RABL2B: variants seen among roughly 807,000 people sequenced by gnomAD.
The protein encoded by RABL2B is RAB, member of RAS oncogene family like 2B.
In RABL2B, 17 loss-of-function variants were observed where a neutral mutation model predicts 26.7. The observed-to-expected ratio is 0.64, with a 90% CI of 0.44 to 0.95. The LOEUF (loss-of-function observed/expected upper bound fraction) is 0.95. Ranked by LOEUF, RABL2B falls within the 40% of genes least tolerant of loss-of-function variation. The pLI is 0.00. For synonymous variants in RABL2B, 70 were observed against 103.9 expected (o/e 0.67, Z 1.99); for missense variants, 170 against 277.2 (o/e 0.61, Z 2.75).
intron 2 of RABL2B, among the ~76,000 whole-genome samples, 155 bp from the exon 3 acceptor site, chr22:50,778,136 T>C (rs9616970): frequency 0.17 from 26,147 of 151,650 alleles, 2,676 homozygotes; most frequent in African/African-American, 0.3. Flanking sequence ...AGTCTGGAAG[T>C]TGGGTATCAG....
At chr22:50,780,668 C>G in intron 2 of RABL2B, 1 of 470,702 alleles carries the variant, frequency 2.1e-6, no homozygotes, top group Non-Finnish European at 4.4e-6. Context: ...CAACCTTTTG[C>G]CTGAGATACT....
At chr22:50,778,089 C>T in intron 2 of RABL2B, 108 bp from the exon 3 acceptor site, 3 of 1,432,210 alleles carry the variant, frequency 2.1e-6, no homozygotes, top group Non-Finnish European at 2.9e-6. Context: ...GGCTTCCCTT[C>T]CCCCTTTCAC....
rs1290229490 is a variant in RABL2B at position 50,769,728 on chromosome 22, G to A, written c.410-176C>T. On this transcript the variant is annotated intron_variant, in intron 6 of 8. Coordinates refer to ENST00000691320, the MANE Select transcript of RABL2B (RefSeq NM_001130919.3). ...CTGTGTCTTGGAAAGAGGGCAGGTC[G>A]GCTTAGCTGGCTTCTTTATAAGGTG... 46 of 910,426 alleles carry A rather than the reference G, an allele frequency of 5.1e-5. No homozygotes were observed. The Admixed American group carries it at 6.9e-4, about 14-fold the overall frequency. The allele number at this position is 910,426 out of a possible 1,614,324, so 56.4% of individuals were successfully genotyped here. A position where few individuals can be genotyped will look rare whatever the true frequency, so the allele number is the denominator to read the frequency against.
chr22:50,777,982 C>G lies in RABL2B; in HGVS notation c.108-1G>C. The G allele has an allele frequency of 6.2e-7, 1 of 1,614,138 alleles. No homozygotes were observed. Among genetic ancestry groups the G allele is most frequent in the Non-Finnish European group, 8.5e-7 (1 of 1,180,034 alleles). The stretch of plus-strand genomic sequence containing the variant: ...ATCCATGAGAAATCTCTCCATGAGT[C>G]TGTAAGCAGAACAGGCAAGGTGGTC... On this transcript the variant is annotated splice_acceptor_variant, in intron 2 of 8. Transcript: ENST00000691320. LOFTEE classifies it high-confidence loss of function.
intron 5 of RABL2B, among the ~76,000 whole-genome samples, chr22:50,774,307 C>T (rs1275433892): frequency 6.6e-6 from 1 of 151,742 alleles, no homozygotes; most frequent in Non-Finnish European, 1.5e-5. Context: ...TGTTTCTTCC[C>T]TCTGTGACTA....
At chr22:50,778,942 C>T (rs1239928744) in intron 2 of RABL2B, among the ~76,000 whole-genome samples, 1 of 150,012 alleles carries the variant, frequency 6.7e-6, no homozygotes, top group Non-Finnish European at 1.5e-5. Context: ...TATAAAGAAA[C>T]AGCACCCTTA....
rs1297015544 is a variant in RABL2B at position 50,768,518 on chromosome 22, G to C, written c.*258C>G. 6.5e-6 allele frequency: 5 copies of C among 767,682 alleles called. No homozygotes were observed. The highest frequency in any genetic ancestry group is 3.9e-5 in the South Asian group (2 of 50,874). The allele number at this position is 767,682 out of a possible 1,614,324, so 47.6% of individuals were successfully genotyped here. On this transcript the variant is annotated 3_prime_UTR_variant, in exon 9 of 9. Coordinates refer to ENST00000691320, the MANE Select transcript of RABL2B (RefSeq NM_001130919.3). ...TTCACTGTCTGCCTGCGGGGAGGGG[G>C]TGGGGAAGGTGTTAATGATGCTGAT...
intron 4 of RABL2B, among the ~76,000 whole-genome samples, chr22:50,776,420 C>G (rs2084994383): frequency 6.6e-6 from 1 of 152,242 alleles, no homozygotes; most frequent in Non-Finnish European, 1.5e-5. Context: ...CTGACTTCTC[C>G]TTTCCTGAAC....
chr22:50,768,826 T>G lies in RABL2B; in HGVS notation c.640A>C (p.Ser214Arg). 1 of 1,613,666 alleles carries G rather than the reference T, an allele frequency of 6.2e-7. No homozygotes were observed. The change falls in exon 9 of 9, where the codon AGC (serine) becomes CGC (arginine). Residue 214 changes from serine to arginine, a missense_variant. By Grantham distance (110) the Ser-to-Arg change is moderately radical (BLOSUM62 -1). Transcript: ENST00000691320. The stretch of plus-strand genomic sequence containing the variant: ...TCTGATGGGGTCTCGATGCTGCTGC[T>G]CTGTTCCTGGTCTGGCACGTCCTCC... ...EEEDVPDQEQ[S>R]SSIETPSEEA...
chr22:50,781,400 A>AAGAGAGAGAGAG (rs3044691), intron 2 of RABL2B, among the ~76,000 whole-genome samples: 15,524 of 141,430 alleles, frequency 0.11, 926 homozygotes, highest in East Asian at 0.18. Flanking sequence ...TGTGGTGGGG[A>AAGAGAGAGAGAG]AGAGAGAGAG....
chr22:50,772,369 A>T, intron 5 of RABL2B: 2 of 985,524 alleles, frequency 2.0e-6, no homozygotes, highest in Non-Finnish European at 2.4e-6. Flanking sequence ...AAGGATGAGC[A>T]CTGCAAACCA....
In RABL2B at chr22:50,776,080, G is replaced by A. The variant is rs1451131250; in HGVS notation, c.218-229C>T. ...GTGTGTATGGGAAGACAGTGGGTCA[G>A]GGGCCAGGAGGAAGGACAACACACT... On this transcript the variant is annotated intron_variant, in intron 4 of 8. Coordinates refer to ENST00000691320, the MANE Select transcript of RABL2B (RefSeq NM_001130919.3). Among the ~76,000 whole-genome samples the A allele has an allele frequency of 5.9e-5, 9 of 152,266 alleles. No individual in the cohort carries two copies. The South Asian group carries it at 1.5e-3, about 25-fold the overall frequency.
In RABL2B at chr22:50,776,136, C is replaced by T. The variant is rs1446349294; in HGVS notation, c.218-285G>A. 8.3e-4 allele frequency among the ~76,000 whole-genome samples: 126 copies of T among 152,232 alleles called. 1 individual carries two copies. Among genetic ancestry groups the T allele is most frequent in the African/African-American group, 2.8e-3 (116 of 41,532 alleles). ...CCCAAGGAGGGAGAAGACAGTTCCCCGTTTCCCACGTGACACGCAGGGTCC... is the reference window on the plus strand; with the variant it reads ...CCCAAGGAGGGAGAAGACAGTTCCCTGTTTCCCACGTGACACGCAGGGTCC... On this transcript the variant is annotated intron_variant, in intron 4 of 8. Transcript: ENST00000691320.
At chr22:50,771,365 T>G (rs1404560796) in intron 5 of RABL2B, 1 of 147,116 alleles carries the variant, frequency 6.8e-6, no homozygotes, top group African/African-American at 2.6e-5. Context: ...CAACCTCCAC[T>G]TCCTAGGTTC....
intron 2 of RABL2B, among the ~76,000 whole-genome samples, chr22:50,779,520 C>T (rs1210773477): frequency 2.6e-5 from 4 of 152,086 alleles, no homozygotes; most frequent in African/African-American, 9.7e-5. Flanking sequence ...TGTACTCACA[C>T]CATGTGGCCT....
chr22:50,782,572 C>G (rs1354488977), intron 1 of RABL2B, among the ~76,000 whole-genome samples: 2 of 152,154 alleles, frequency 1.3e-5, no homozygotes, highest in South Asian at 4.1e-4. Flanking sequence ...TCACGTTACC[C>G]ATTTGCACAA....
At chr22:50,781,078 T>G (rs1345558812) in intron 2 of RABL2B, among the ~76,000 whole-genome samples, 7 of 152,096 alleles carry the variant, frequency 4.6e-5, no homozygotes, top group Non-Finnish European at 1.0e-4. Context: ...CGGTGGCTCA[T>G]GCCTATAATC....
intron 5 of RABL2B, chr22:50,773,156 T>C: frequency 2.4e-6 from 3 of 1,261,466 alleles, no homozygotes; most frequent in Non-Finnish European, 3.1e-6. Context: ...AATGCCACTG[T>C]AGGCCTGAAA....
intron 3 of RABL2B, among the ~76,000 whole-genome samples, chr22:50,777,347 A>G (rs1254254482): frequency 3.3e-5 from 5 of 150,974 alleles, no homozygotes; most frequent in Non-Finnish European, 5.9e-5. Flanking sequence ...GGAGTAACAC[A>G]TACTCAGATC....
Sources: gnomAD v4.1 joint callset for allele counts (sites outside exome capture counted in the v4.1 genomes callset) on GRCh38, gnomAD v4.1.1 for gene constraint, MANE v1.5 for transcripts, NCBI Gene and HGNC (gene_info 2026-07-23, HGNC 2026-07-21) for gene names.